ANKS1B: variants seen among roughly 807,000 people sequenced by gnomAD.
ANKS1B encodes the protein ankyrin repeat and sterile alpha motif domain-containing protein 1B.
ANKS1B carries 36 observed loss-of-function variants against 148.3 expected under a neutral mutation model. That is an observed-to-expected ratio of 0.24 (90% confidence interval 0.19 to 0.32). The LOEUF is 0.32. Ranked by LOEUF, ANKS1B falls within the 10% of genes least tolerant of loss-of-function variation. The pLI is 1.00. For missense variants in ANKS1B, 1,157 were observed against 1,542.6 expected, an observed-to-expected ratio of 0.75 and a Z score of 4.19; for synonymous variants, 542 against 560.8, an observed-to-expected ratio of 0.97 and a Z score of 0.47.
chr12:98,987,255 T>C (rs971393872), intron 17 of ANKS1B, among the ~76,000 whole-genome samples: 1 of 151,442 alleles, frequency 6.6e-6, no homozygotes, highest in Admixed American at 6.6e-5. Flanking sequence ...AGGTCAAAAT[T>C]GTGCTGATGA....
intron 1 of ANKS1B, among the ~76,000 whole-genome samples, chr12:99,939,105 C>A (rs2094853413): frequency 6.6e-6 from 1 of 151,996 alleles, no homozygotes; most frequent in African/African-American, 2.4e-5. Flanking sequence ...TAAAAAATTT[C>A]TTTTGAGACA....
In ANKS1B at chr12:99,556,941, T is replaced by C. The variant is rs2097282969; in HGVS notation, c.1273-52300A>G. On this transcript the variant is annotated intron_variant, in intron 9 of 26. Transcript: ENST00000683438. The stretch of plus-strand genomic sequence containing the variant: ...TACATTGTTTTGGAGTGGAGAGTTC[T>C]GTAGATGTCTATTAAGTCCATTTAG... Among the ~76,000 whole-genome samples the C allele has an allele frequency of 2.0e-5, 3 of 152,356 alleles. No individual in the cohort carries two copies. In the South Asian group the frequency reaches 6.2e-4, roughly 32 times the overall value.
chr12:99,737,548 C>A lies in ANKS1B; in HGVS notation c.1128+35374G>T, dbSNP rs568765605. Among the ~76,000 whole-genome samples, 50 of 152,158 alleles carry A rather than the reference C, an allele frequency of 3.3e-4. 1 individual carries two copies. Among genetic ancestry groups the A allele is most frequent in the African/African-American group, 1.2e-3 (50 of 41,546 alleles). On this transcript the variant is annotated intron_variant, in intron 8 of 26. Transcript: ENST00000683438. ...CCACTTCTTTTCCCCATGCTTAAAA[C>A]CCTTCAGTGGGTATTCCATAATTAT...
At chr12:98,775,920 T>C (rs1308602981) in intron 24 of ANKS1B, among the ~76,000 whole-genome samples, 1 of 152,244 alleles carries the variant, frequency 6.6e-6, no homozygotes, top group Non-Finnish European at 1.5e-5. Context: ...TCATGCTAGT[T>C]AAAATATTCT....
intron 1 of ANKS1B, among the ~76,000 whole-genome samples, chr12:99,975,109 C>T (rs562590207): frequency 2.3e-4 from 35 of 151,994 alleles, no homozygotes; most frequent in Non-Finnish European, 4.0e-4. Context: ...GCTGTGATTG[C>T]ACCACAGCAC....
intron 9 of ANKS1B, among the ~76,000 whole-genome samples, chr12:99,631,760 T>C (rs11109956): frequency 0.27 from 41,474 of 152,078 alleles, 6,860 homozygotes; most frequent in East Asian, 0.38. Flanking sequence ...TTTGGCTGCT[T>C]ACACTGAGAA....
intron 14 of ANKS1B, among the ~76,000 whole-genome samples, chr12:99,195,992 C>T (rs1384453604): frequency 2.0e-5 from 3 of 152,028 alleles, no homozygotes; most frequent in Non-Finnish European, 2.9e-5. Context: ...GAATATTATG[C>T]AGCCAATAAA....
At chr12:99,823,253 GT>G (rs1457234938) in intron 2 of ANKS1B, among the ~76,000 whole-genome samples, 13 of 152,168 alleles carry the variant, frequency 8.5e-5, no homozygotes, top group African/African-American at 2.9e-4. Context: ...TTTATTGATA[GT>G]TTCTCTTGCT....
chr12:99,287,094 C>G (rs1253521554), intron 12 of ANKS1B, among the ~76,000 whole-genome samples: 1 of 149,836 alleles, frequency 6.7e-6, no homozygotes, highest in Non-Finnish European at 1.5e-5. Context: ...AGGACATTGA[C>G]AAGACCCAGT....
intron 6 of ANKS1B, 80 bp from the exon 7 acceptor site, chr12:99,775,741 A>G (rs10778023): frequency 0.42 from 318,649 of 765,602 alleles, 70,467 homozygotes; most frequent in South Asian, 0.64. Flanking sequence ...TACTTCTGGT[A>G]ATCAGTTTTT....
At chr12:99,116,016 T>G (rs1445487185) in intron 15 of ANKS1B, among the ~76,000 whole-genome samples, 1 of 151,410 alleles carries the variant, frequency 6.6e-6, no homozygotes, top group Non-Finnish European at 1.5e-5. Context: ...AGCTGTGTGG[T>G]CTTGGATAGA....
chr12:99,148,870 G>A (rs1046189572), intron 15 of ANKS1B, among the ~76,000 whole-genome samples: 2 of 152,036 alleles, frequency 1.3e-5, no homozygotes, highest in African/African-American at 4.8e-5. Flanking sequence ...AAGTGGGTTT[G>A]TAACTATTGG....
rs2097848783 is a variant in ANKS1B at position 98,744,893 on chromosome 12, T to C, written c.*846A>G. 3 of 985,638 alleles carry C rather than the reference T, an allele frequency of 3.0e-6. No individual in the cohort carries two copies. Among genetic ancestry groups the C allele is most frequent in the Non-Finnish European group, 3.6e-6 (3 of 829,902 alleles). 61.1% of individuals were successfully genotyped at this position (985,638 alleles called of 1,614,324 possible). ...GTCAGCACTTCCGGGCCTCCTGCTC[T>C]AGGGAGCATCACCAGTATTTTGCCA... is the stretch of plus-strand genomic sequence containing the variant. On this transcript the variant is annotated 3_prime_UTR_variant, in exon 27 of 27. Transcript: ENST00000683438.
At chr12:99,687,452 T>C (rs1225874106) in intron 8 of ANKS1B, among the ~76,000 whole-genome samples, 1 of 152,190 alleles carries the variant, frequency 6.6e-6, no homozygotes, top group Admixed American at 6.5e-5. Context: ...CCTTTCAGGA[T>C]GTCAGTTACA....
At chr12:98,879,821 A>G (rs2099701994) in intron 17 of ANKS1B, among the ~76,000 whole-genome samples, 1 of 152,246 alleles carries the variant, frequency 6.6e-6, no homozygotes, top group Admixed American at 6.5e-5. Context: ...ATTGATGTAC[A>G]TAGGACACAC....
chr12:99,110,298 T>A (rs1457646478), intron 15 of ANKS1B, among the ~76,000 whole-genome samples: 1 of 152,128 alleles, frequency 6.6e-6, no homozygotes. Flanking sequence ...CACGGTAAAA[T>A]AAATTAGATT....
At chr12:98,979,821 A>C (rs1484024600) in intron 17 of ANKS1B, among the ~76,000 whole-genome samples, 2 of 152,236 alleles carry the variant, frequency 1.3e-5, no homozygotes, top group East Asian at 3.9e-4. Context: ...AATTTACATA[A>C]TTTGGTAGCC....
At chr12:99,828,804 G>GA (rs2083530188) in intron 1 of ANKS1B, among the ~76,000 whole-genome samples, 1 of 152,016 alleles carries the variant, frequency 6.6e-6, no homozygotes, top group Admixed American at 6.6e-5. Flanking sequence ...TCAACATAGT[G>GA]AAACTCCATC....
chr12:99,190,278 T>C (rs1049258155), intron 14 of ANKS1B, among the ~76,000 whole-genome samples: 1 of 152,308 alleles, frequency 6.6e-6, no homozygotes, highest in Admixed American at 6.5e-5. Context: ...AAGCAATTTA[T>C]AGATACAATG....
Sources: gnomAD v4.1 joint callset for allele counts (sites outside exome capture counted in the v4.1 genomes callset) on GRCh38, gnomAD v4.1.1 for gene constraint, MANE v1.5 for transcripts, NCBI Gene and HGNC (gene_info 2026-07-23, HGNC 2026-07-21) for gene names.